The following MYO1D variants were observed in gnomAD, a reference collection of about 807,000 sequenced individuals.
MYO1D encodes the protein unconventional myosin-Id.
Under a neutral mutation model 122.0 loss-of-function variants are expected in MYO1D, and 83 were observed. The observed-to-expected ratio is 0.68, with a 90% CI of 0.57 to 0.82. The LOEUF is 0.82. Among genes scored for constraint, MYO1D ranks in the 40% least tolerant of loss-of-function variants. MYO1D has a pLI of 0.00. For synonymous variants in MYO1D, 464 were observed against 446.9 expected (o/e 1.04, Z -0.48); for missense variants, 1,157 against 1,269.5 (o/e 0.91, Z 1.35).
chr17:32,614,640 C>T (rs2087748471), intron 20 of MYO1D, among the ~76,000 whole-genome samples: 1 of 152,156 alleles, frequency 6.6e-6, no homozygotes, highest in African/African-American at 2.4e-5. Flanking sequence ...ATCTTGTTCC[C>T]TCCTTACTCC....
intron 1 of MYO1D, among the ~76,000 whole-genome samples, chr17:32,821,387 T>C (rs2090662203): frequency 6.6e-6 from 1 of 152,126 alleles, no homozygotes; most frequent in Admixed American, 6.5e-5. Flanking sequence ...CAAACTAAAA[T>C]AAAGAAATGA....
rs139314816 is a variant in MYO1D at position 32,710,482 on chromosome 17, T to C, written c.2121+1506A>G. On this transcript the variant is annotated intron_variant, in intron 16 of 21. Coordinates refer to ENST00000318217, the MANE Select transcript of MYO1D (RefSeq NM_015194.3). ...GACCTAAATGTGAAAGGTAAAACCA[T>C]ACAGTTCATAGAAGAAAATACAGAA... Among the ~76,000 whole-genome samples the C allele has an allele frequency of 1.4e-3, 206 of 152,272 alleles. 1 individual carries two copies. Among genetic ancestry groups the C allele is most frequent in the Non-Finnish European group, 2.5e-3 (168 of 67,998 alleles).
chr17:32,591,675 AC>A (rs2087440183), intron 21 of MYO1D, among the ~76,000 whole-genome samples: 2 of 151,610 alleles, frequency 1.3e-5, no homozygotes, highest in African/African-American at 4.9e-5. Flanking sequence ...AAAAAAAAAA[AC>A]AAACCTACTT....
intron 21 of MYO1D, among the ~76,000 whole-genome samples, chr17:32,522,081 C>CAAAAAAAAAAAAAAAAAAAAAAAAAA (rs35096680): frequency 1.6e-5 from 1 of 63,230 alleles, no homozygotes; most frequent in African/African-American, 6.0e-5. Flanking sequence ...GACTCTGTCT[C>CAAAAAAAAAAAAAAAAAAAAAAAAAA]AAAAAAAAAA....
intron 8 of MYO1D, among the ~76,000 whole-genome samples, chr17:32,764,632 A>G (rs185680157): frequency 5.3e-5 from 8 of 152,302 alleles, no homozygotes; most frequent in African/African-American, 1.9e-4. Context: ...GAGTGAGAGA[A>G]GCAGCACGTG....
intron 13 of MYO1D, among the ~76,000 whole-genome samples, chr17:32,743,172 C>T (rs894881932): frequency 2.0e-5 from 3 of 152,166 alleles, no homozygotes; most frequent in African/African-American, 7.2e-5. Context: ...TACAGTGTCT[C>T]AGGAATTAGT....
intron 1 of MYO1D, among the ~76,000 whole-genome samples, chr17:32,793,254 A>C (rs2090375347): frequency 6.6e-6 from 1 of 151,924 alleles, no homozygotes; most frequent in African/African-American, 2.4e-5. Context: ...AAAGGCTTAT[A>C]TAAATAGACA....
In MYO1D at chr17:32,736,923, T is replaced by C. The variant is rs374112171; in HGVS notation, c.1746+1330A>G. Among the ~76,000 whole-genome samples, 8 of 152,278 alleles carry C rather than the reference T, an allele frequency of 5.3e-5. No individual in the cohort carries two copies. In the East Asian group the frequency reaches 1.5e-3, roughly 29 times the overall value. Reference sequence around the variant, plus strand: ...ACGGCATTCCAGCCTCCAGTGCCAGTGTCCTTACCCCTGCCTTTCTGGAGG... The same window carrying C: ...ACGGCATTCCAGCCTCCAGTGCCAGCGTCCTTACCCCTGCCTTTCTGGAGG... On this transcript the variant is annotated intron_variant, in intron 14 of 21. Transcript: ENST00000318217.
At chr17:32,779,439 T>G (rs2090213400) in intron 2 of MYO1D, among the ~76,000 whole-genome samples, 1 of 151,114 alleles carries the variant, frequency 6.6e-6, no homozygotes, top group Non-Finnish European at 1.5e-5. Flanking sequence ...TATATATTAT[T>G]AAATGGAAAA....
At chr17:32,694,467 C>A (rs183431797) in intron 16 of MYO1D, among the ~76,000 whole-genome samples, 1 of 151,938 alleles carries the variant, frequency 6.6e-6, no homozygotes, top group African/African-American at 2.4e-5. Flanking sequence ...TTTGGGAGGT[C>A]GAGGCGGGTG....
chr17:32,538,559 A>G (rs977406806), intron 21 of MYO1D, among the ~76,000 whole-genome samples: 1 of 151,602 alleles, frequency 6.6e-6, no homozygotes, highest in Non-Finnish European at 1.5e-5. Context: ...CTTGGTGTCC[A>G]AAAGCATTGG....
At chr17:32,648,627 A>G (rs1004659302) in intron 19 of MYO1D, among the ~76,000 whole-genome samples, 2 of 152,202 alleles carry the variant, frequency 1.3e-5, no homozygotes, top group South Asian at 2.1e-4. Context: ...CCCATAGCCA[A>G]TGATTTCATC....
intron 21 of MYO1D, among the ~76,000 whole-genome samples, chr17:32,507,160 AGGCT>A (rs1640883437): frequency 6.6e-6 from 1 of 152,180 alleles, no homozygotes; most frequent in African/African-American, 2.4e-5. Context: ...GCAATTTGGG[AGGCT>A]GAGGCAGATA....
chr17:32,758,077 A>G (rs1293320403), intron 10 of MYO1D, among the ~76,000 whole-genome samples: 17 of 152,120 alleles, frequency 1.1e-4, no homozygotes, highest in Non-Finnish European at 8.8e-5. Context: ...GTGGAAAAAA[A>G]CTGACTCTGA....
rs560537865 is a variant in MYO1D, at chr17:32,575,661, C to T, written c.2864+29426G>A. Among the ~76,000 whole-genome samples, 20 of 152,222 alleles carry T rather than the reference C, an allele frequency of 1.3e-4. No homozygotes were observed. In the South Asian group the frequency reaches 4.0e-3, roughly 30 times the overall value. ...CCATTCCCTCTGGGGTGTGTTTCTCCTAACTTTGTTTTCACTCCATTATGT... is the reference window on the plus strand; with the variant it reads ...CCATTCCCTCTGGGGTGTGTTTCTCTTAACTTTGTTTTCACTCCATTATGT... On this transcript the variant is annotated intron_variant, in intron 21 of 21. Coordinates refer to ENST00000318217, the MANE Select transcript of MYO1D (RefSeq NM_015194.3).
intron 1 of MYO1D, among the ~76,000 whole-genome samples, chr17:32,866,514 C>CA (rs1460198651): frequency 2.6e-5 from 4 of 152,186 alleles, no homozygotes; most frequent in Non-Finnish European, 5.9e-5. Flanking sequence ...AGTTATTTCT[C>CA]AAAAATGAAA....
chr17:32,798,334 T>G (rs1159396687), intron 1 of MYO1D, among the ~76,000 whole-genome samples: 9 of 152,366 alleles, frequency 5.9e-5, no homozygotes, highest in African/African-American at 1.9e-4. Context: ...CATTTCCTCA[T>G]GGAAAGCTTT....
At chr17:32,833,911 C>T (rs767700949) in intron 1 of MYO1D, among the ~76,000 whole-genome samples, 18 of 151,982 alleles carry the variant, frequency 1.2e-4, no homozygotes, top group Non-Finnish European at 2.2e-4. Flanking sequence ...ACTACACCTC[C>T]GAACACTCCC....
intron 20 of MYO1D, among the ~76,000 whole-genome samples, chr17:32,625,223 A>G: frequency 6.6e-6 from 1 of 152,250 alleles, no homozygotes; most frequent in Non-Finnish European, 1.5e-5. Flanking sequence ...GGTTAAGACA[A>G]ACTATTTTAG....
Sources: gnomAD v4.1 joint callset for allele counts (sites outside exome capture counted in the v4.1 genomes callset) on GRCh38, gnomAD v4.1.1 for gene constraint, MANE v1.5 for transcripts, NCBI Gene and HGNC (gene_info 2026-07-23, HGNC 2026-07-21) for gene names.